The following TRRAP variants were observed in gnomAD, a reference collection of about 807,000 sequenced individuals.
TRRAP encodes transformation/transcription domain associated protein.
A neutral mutation model predicts 438.8 loss-of-function variants in TRRAP; 41 were observed. That is an observed-to-expected ratio of 0.09 (90% CI 0.07 to 0.12). The LOEUF is 0.12. TRRAP is among the 10% of genes least tolerant of loss of function. TRRAP has a pLI of 1.00. For missense variants in TRRAP, 3,122 were observed against 5,055.1 expected (o/e 0.62, Z 11.60); for synonymous variants, 1,994 against 1,962.9 (o/e 1.02, Z -0.42).
chr7:98,928,242 GA>G lies in TRRAP; in HGVS notation c.3175+885del, dbSNP rs575801592. Among the ~76,000 whole-genome samples, 799 of 149,484 alleles carry G rather than the reference GA, an allele frequency of 5.3e-3. 7 individuals are homozygous for G. The highest frequency in any genetic ancestry group is 0.019 in the African/African-American group (763 of 40,682). On this transcript the variant is annotated intron_variant, in intron 23 of 72. Coordinates refer to ENST00000456197, the MANE Select transcript of TRRAP (RefSeq NM_001375524.1). ...CAAGAGCGAAACTCCGTCTCAAAAA[GA>G]AAAAAAAAGACAAAAAAAATGTCAT... is the stretch of plus-strand genomic sequence containing the variant.
chr7:98,917,785 C>T (rs956285458), intron 20 of TRRAP, 106 bp downstream of exon 20: 4 of 1,410,416 alleles, frequency 2.8e-6, no homozygotes, highest in Non-Finnish European at 2.8e-6. Context: ...ACCAGTGCAG[C>T]TCTCTGTTTA....
At chr7:98,888,967 T>C (rs1795843304) in intron 3 of TRRAP, among the ~76,000 whole-genome samples, 1 of 151,792 alleles carries the variant, frequency 6.6e-6, no homozygotes, top group Non-Finnish European at 1.5e-5. Context: ...ATTTGTTGAA[T>C]GAATAAGTGA....
chr7:98,996,939 T>C (rs1357067077), intron 67 of TRRAP, among the ~76,000 whole-genome samples: 1 of 152,160 alleles, frequency 6.6e-6, no homozygotes, highest in Non-Finnish European at 1.5e-5. Flanking sequence ...ACATAGTCTT[T>C]GCTGACTCTG....
At chr7:98,913,139 CGT>C (rs72281492) in intron 18 of TRRAP, among the ~76,000 whole-genome samples, 17,720 of 151,942 alleles carry the variant, frequency 0.12, 3,197 homozygotes, top group African/African-American at 0.39. Context: ...TCACTAATCC[CGT>C]GTGCCTTGTT....
chr7:98,889,013 A>T (rs1221337279), intron 3 of TRRAP, among the ~76,000 whole-genome samples: 5 of 146,974 alleles, frequency 3.4e-5, no homozygotes, highest in Non-Finnish European at 4.5e-5. Flanking sequence ...GGTGTTAGAT[A>T]TACTTGATTT....
chr7:98,899,938 CGTTCTT>C (rs1185879086), intron 10 of TRRAP, among the ~76,000 whole-genome samples, 171 bp downstream of exon 10: 1 of 152,120 alleles, frequency 6.6e-6, no homozygotes, highest in Non-Finnish European at 1.5e-5. Flanking sequence ...TAGCTATTTT[CGTTCTT>C]AATTTGGAAA....
At chr7:98,979,656 CCTT>C (rs1306088851) in intron 58 of TRRAP, among the ~76,000 whole-genome samples, 1 of 152,136 alleles carries the variant, frequency 6.6e-6, no homozygotes, top group African/African-American at 2.4e-5. Flanking sequence ...CTTAACGTTC[CCTT>C]CTTTCTCCTT....
chr7:98,993,607 G>A lies in TRRAP; in HGVS notation c.9917G>A (p.Arg3306Lys). 6.2e-7 allele frequency: 1 copy of A among 1,614,166 alleles called. No homozygotes were observed. Among genetic ancestry groups the A allele is most frequent in the Non-Finnish European group, 8.5e-7 (1 of 1,180,044 alleles). Residue 3306 changes from arginine to lysine, a missense_variant, in exon 66 of 73, where the codon AGA becomes AAA. Coordinates refer to ENST00000456197, the MANE Select transcript of TRRAP (RefSeq NM_001375524.1). ...SHSASDPGPI[R>K]ATAPMWRCSR... The stretch of plus-strand genomic sequence containing the variant: ...TCTGCATCAGATCCAGGGCCCATAA[G>A]AGCAACAGCACCCATGTGGCGCTGC...
chr7:98,928,364 A>G (rs1554412016), intron 23 of TRRAP, among the ~76,000 whole-genome samples: 1 of 152,238 alleles, frequency 6.6e-6, no homozygotes, highest in African/African-American at 2.4e-5. Context: ...ACCGCACTGG[A>G]GTAGCACTGC....
In TRRAP at chr7:98,949,743, G is replaced by A; in HGVS notation, c.5037G>A (p.Val1679=). 6.2e-7 allele frequency: 1 copy of A among 1,613,942 alleles called. No individual in the cohort carries two copies. Among genetic ancestry groups the A allele is most frequent in the Non-Finnish European group, 8.5e-7 (1 of 1,180,050 alleles). The change falls in exon 37 of 73, where the codon GTG becomes GTA. Residue 1679 remains valine, a synonymous_variant. Transcript: ENST00000456197. ...SLVSQLRRVW[V]SENFQERHRK... ...TGAGCCAGTTGCGACGTGTGTGGGT[G>A]AGTGAGAACTTCCAAGAGAGGCACC...
chr7:98,977,723 T>C (rs1792729699), intron 56 of TRRAP, among the ~76,000 whole-genome samples: 1 of 152,208 alleles, frequency 6.6e-6, no homozygotes, highest in Admixed American at 6.5e-5. Flanking sequence ...CAGGGTGCAA[T>C]TCCTAGCACT....
chr7:98,882,363 C>CTTTT (rs531239628), intron 3 of TRRAP, among the ~76,000 whole-genome samples: 2 of 138,192 alleles, frequency 1.4e-5, no homozygotes, highest in Non-Finnish European at 3.2e-5. Context: ...TCTTTTCTTT[C>CTTTT]TTTTTTTTTT....
intron 18 of TRRAP, among the ~76,000 whole-genome samples, chr7:98,914,477 A>C (rs932967857): frequency 6.6e-6 from 1 of 151,992 alleles, no homozygotes; most frequent in Admixed American, 6.6e-5. Flanking sequence ...CAAATAATTC[A>C]TTTTTTTGCC....
chr7:99,009,742 A>G (rs964771162), intron 70 of TRRAP, among the ~76,000 whole-genome samples: 35 of 152,340 alleles, frequency 2.3e-4, no homozygotes, highest in Middle Eastern at 3.4e-3. Flanking sequence ...TGAGTGACCG[A>G]CTAGGCAGTT....
intron 49 of TRRAP, 132 bp downstream of exon 49, chr7:98,966,027 T>A: frequency 1.9e-6 from 2 of 1,058,778 alleles, no homozygotes; most frequent in Non-Finnish European, 2.7e-6. Context: ...CATCTTTTCT[T>A]AATTAAGATG....
chr7:98,947,554 C>T (rs1287687046), intron 33 of TRRAP, among the ~76,000 whole-genome samples: 3 of 151,860 alleles, frequency 2.0e-5, no homozygotes, highest in Non-Finnish European at 4.4e-5. Context: ...CTCCTGGGTT[C>T]AAGCAGTTCT....
chr7:98,898,734 A>C (rs1397013277), intron 8 of TRRAP, among the ~76,000 whole-genome samples: 1 of 152,156 alleles, frequency 6.6e-6, no homozygotes, highest in African/African-American at 2.4e-5. Context: ...TCTGTTTATA[A>C]ATATCTTTGA....
intron 12 of TRRAP, among the ~76,000 whole-genome samples, chr7:98,904,945 A>G (rs1327487924): frequency 2.0e-5 from 3 of 152,158 alleles, no homozygotes; most frequent in Non-Finnish European, 1.5e-5. Flanking sequence ...ATCAAGTGGT[A>G]ACTCATTTTC....
chr7:98,947,441 T>A (rs1791134279), intron 33 of TRRAP, among the ~76,000 whole-genome samples: 1 of 151,982 alleles, frequency 6.6e-6, no homozygotes. Flanking sequence ...TTTTTTTTGT[T>A]TGTGTGGTTT....
Sources: allele counts gnomAD v4.1 joint callset (sites outside exome capture counted in the v4.1 genomes callset), GRCh38; gene constraint gnomAD v4.1.1; transcripts MANE v1.5; gene names NCBI Gene and HGNC (gene_info 2026-07-23, HGNC 2026-07-21).